Variants in RPL24 observed in about 807,000 individuals in gnomAD.
The protein encoded by RPL24 is ribosomal protein L24.
In RPL24, 7 loss-of-function variants were observed where a neutral mutation model predicts 26.4. That is an observed-to-expected ratio of 0.27 (90% CI 0.15 to 0.50). The LOEUF is 0.50. Among genes scored for constraint, RPL24 ranks in the 20% least tolerant of loss-of-function variants. The pLI, the probability that RPL24 is intolerant of heterozygous loss-of-function variation, is 0.98. For missense variants in RPL24, 109 were observed against 194.9 expected (o/e 0.56, Z 2.62); for synonymous variants, 67 against 65.2 (o/e 1.03, Z -0.13).
In RPL24 at chr3:101,683,168, T is replaced by C. The variant is rs577397687; in HGVS notation, c.193-261A>G. 9.8e-5 allele frequency among the ~76,000 whole-genome samples: 15 copies of C among 152,296 alleles called. No homozygotes were observed. The East Asian group carries it at 2.1e-3, about 22-fold the overall frequency. On this transcript the variant is annotated intron_variant, in intron 3 of 5. Coordinates refer to ENST00000394077, the MANE Select transcript of RPL24 (RefSeq NM_000986.4). ...GAAAATGGTTATTCCATGAACTGCA[T>C]AGTAGTATAAATGAAGACTGTTTAT...
chr3:101,686,360 G>A, intron 2 of RPL24, 122 bp downstream of exon 2: 4 of 743,144 alleles, frequency 5.4e-6, no homozygotes, highest in Non-Finnish European at 6.6e-6. Flanking sequence ...AGTCCACAGA[G>A]CGTCCACGAA....
intron 3 of RPL24, among the ~76,000 whole-genome samples, chr3:101,683,992 G>A (rs1476880363): frequency 6.6e-6 from 1 of 152,064 alleles, no homozygotes; most frequent in South Asian, 2.1e-4. Context: ...AATTACAGGC[G>A]TGAGCCACCA....
chr3:101,684,167 CTTTTTT>C (rs930501770), intron 3 of RPL24, among the ~76,000 whole-genome samples: 2 of 138,142 alleles, frequency 1.4e-5, no homozygotes, highest in Non-Finnish European at 3.2e-5. Flanking sequence ...CCCATTTTAA[CTTTTTT>C]TTTTTTTTTT....
chr3:101,683,592 A>G (rs1937289011), intron 3 of RPL24, among the ~76,000 whole-genome samples: 1 of 144,586 alleles, frequency 6.9e-6, no homozygotes, highest in Non-Finnish European at 1.6e-5. Context: ...GTTTTTCTAC[A>G]GTAAATGGCA....
chr3:101,684,877 C>CTTT (rs55805152), intron 3 of RPL24, among the ~76,000 whole-genome samples: 62 of 133,878 alleles, frequency 4.6e-4, no homozygotes, highest in East Asian at 1.1e-3. Flanking sequence ...ATCTAAATAA[C>CTTT]TTTTTTTTTT....
At chr3:101,684,840 A>AGC (rs975882438) in intron 3 of RPL24, among the ~76,000 whole-genome samples, 2 of 141,020 alleles carry the variant, frequency 1.4e-5, no homozygotes, top group African/African-American at 5.1e-5. Context: ...GTACATTCAT[A>AGC]GCGCTGTGTA....
At chr3:101,685,316 G>A (rs985839440) in intron 3 of RPL24, among the ~76,000 whole-genome samples, 3 of 152,088 alleles carry the variant, frequency 2.0e-5, no homozygotes, top group Non-Finnish European at 2.9e-5. Flanking sequence ...CATCCAGAAG[G>A]TGTTCAGTAA....
At chr3:101,684,914 A>G (rs897815685) in intron 3 of RPL24, among the ~76,000 whole-genome samples, 1 of 151,354 alleles carries the variant, frequency 6.6e-6, no homozygotes, top group African/African-American at 2.4e-5. Context: ...GTTGCCTCAA[A>G]CAATCCTCCC....
intron 3 of RPL24, among the ~76,000 whole-genome samples, chr3:101,684,124 G>A (rs868010435): frequency 6.6e-6 from 1 of 151,810 alleles, no homozygotes; most frequent in African/African-American, 2.4e-5. Context: ...CTCCCAAAGT[G>A]CTGGAATTAC....
intron 5 of RPL24, 82 bp downstream of exon 5, chr3:101,682,347 G>GGC: frequency 9.0e-7 from 1 of 1,105,872 alleles, no homozygotes; most frequent in South Asian, 1.2e-5. Context: ...CCCCATCCTG[G>GGC]GCAACAGAGC....
chr3:101,682,555 A>G, intron 4 of RPL24, 63 bp from the exon 5 acceptor site: 1 of 1,363,614 alleles, frequency 7.3e-7, no homozygotes, highest in Non-Finnish European at 1.0e-6. Context: ...ACTTATTATT[A>G]GAGTTAGACT....
chr3:101,682,901 T>C lies in RPL24; in HGVS notation c.199A>G (p.Ile67Val), dbSNP rs1358715917. The C allele has an allele frequency of 6.2e-7, 1 of 1,613,232 alleles. No individual in the cohort carries two copies. The highest frequency in any genetic ancestry group is 1.7e-5 in the Admixed American group (1 of 59,934). The change falls in exon 4 of 6, where the codon ATT becomes GTT. Residue 67 changes from isoleucine (I) to valine (V), a missense_variant. By Grantham distance (29) the Ile-to-Val change is conservative (BLOSUM62 3). Transcript: ENST00000394077. ...RKHKKGQSEEIQKKRTRRAVK... is the reference protein window; with the variant it reads ...RKHKKGQSEEVQKKRTRRAVK... ...GCTCGGCGGGTTCTTTTCTTTTGAA[T>C]TTCTTCCTGCAAAACAAAGATGAGG...
In RPL24 at chr3:101,681,202, G is replaced by A. The variant is rs1365904047; in HGVS notation, c.407C>T (p.Ala136Val). ...CTTCACAATCTTTTGCTTAGGTGCT[G>A]CCTTTGTAGGTGCCTGTAAAAAGAT... ...AMAAAKAPTK[A>V]APKQKIVKPV... Residue 136 changes from alanine (A) to valine (V), a missense_variant, in exon 6 of 6, where the codon GCA becomes GTA. By Grantham distance (64) the Ala-to-Val change is moderately conservative (BLOSUM62 0). This residue lies in a region of RPL24 where 39 missense variants were observed against 80.3 expected (regional missense o/e 0.49). Transcript: ENST00000394077. 6.2e-7 allele frequency: 1 copy of A among 1,613,232 alleles called. No individual in the cohort carries two copies. Among genetic ancestry groups the A allele is most frequent in the Admixed American group, 1.7e-5 (1 of 60,000 alleles).
chr3:101,681,311 T>A (rs1937259512), intron 5 of RPL24, 96 bp from the exon 6 acceptor site: 1 of 826,862 alleles, frequency 1.2e-6, no homozygotes, highest in Admixed American at 2.0e-5. Flanking sequence ...CTTAGATCAC[T>A]TTCTTAGTAA....
rs1234449770 is a variant in RPL24 at position 101,682,463 on chromosome 3, T to A, written c.359A>T (p.Gln120Leu). The A allele has an allele frequency of 1.2e-6, 2 of 1,614,004 alleles. No individual in the cohort carries two copies. Among genetic ancestry groups the A allele is most frequent in the Non-Finnish European group, 1.7e-6 (2 of 1,179,988 alleles). ...RAAKEAKKAKQASKKTAMAAA... is the reference protein window; with the variant it reads ...RAAKEAKKAKLASKKTAMAAA... ...AGCCATTGCAGTCTTTTTAGATGCT[T>A]GCTTAGCCTTTTTTGCTTCCTTAGC... The change falls in exon 5 of 6, where the codon CAA becomes CTA. Residue 120 changes from glutamine to leucine, a missense_variant. This residue lies in a region of RPL24 where 39 missense variants were observed against 80.3 expected (regional missense o/e 0.49). Transcript: ENST00000394077.
At chr3:101,681,255 G>T (rs756144938) in intron 5 of RPL24, 40 bp from the exon 6 acceptor site, 5 of 1,416,690 alleles carry the variant, frequency 3.5e-6, no homozygotes, top group Non-Finnish European at 5.0e-6. Context: ...CAAAACTTTT[G>T]TTACCCTATT....
chr3:101,686,716 AAG>A lies in RPL24; in HGVS notation c.-42_-41del, dbSNP rs370674861. On this transcript the variant is annotated 5_prime_UTR_variant, in exon 1 of 6. Coordinates refer to ENST00000394077, the MANE Select transcript of RPL24 (RefSeq NM_000986.4). ...GGAAAGACAAAAGATGGCGAAAAGA[AAG>A]AGAGAATCATGGGAAGAGACCTTAT... The A allele has an allele frequency of 1.7e-5, 27 of 1,613,698 alleles. No individual in the cohort carries two copies. In the African/African-American group the frequency reaches 2.5e-4, roughly 15 times the overall value.
rs57278210 is a variant in RPL24 at position 101,684,776 on chromosome 3, CAAAAAAAAA to C, written c.192+1033_192+1041del. Among the ~76,000 whole-genome samples the C allele has an allele frequency of 4.7e-3, 251 of 53,162 alleles. 6 individuals carry two copies. The highest frequency in any genetic ancestry group is 0.017 in the African/African-American group (209 of 12,298). 34.9% of individuals were successfully genotyped at this position (53,162 alleles called of 152,430 possible). On this transcript the variant is annotated intron_variant, in intron 3 of 5. Coordinates refer to ENST00000394077, the MANE Select transcript of RPL24 (RefSeq NM_000986.4). ...CTGAGCAACAGAGGACCTGTCTCCC[CAAAAAAAAA>C]AAAAAAAAAAAAAAAAAAAAAAAAA...
At chr3:101,684,776 C>CCAAAAAAAAAAA (rs1205904118) in intron 3 of RPL24, among the ~76,000 whole-genome samples, 1 of 53,216 alleles carries the variant, frequency 1.9e-5, no homozygotes, top group Non-Finnish European at 3.2e-5. Context: ...CCTGTCTCCC[C>CCAAAAAAAAAAA]AAAAAAAAAA....
Sources: allele counts gnomAD v4.1 joint callset (sites outside exome capture counted in the v4.1 genomes callset), GRCh38; gene constraint gnomAD v4.1.1; regional missense constraint gnomAD v4.1.1; transcripts MANE v1.5; gene names NCBI Gene and HGNC (gene_info 2026-07-23, HGNC 2026-07-21).